The following TRMT10B variants were observed in gnomAD, a reference collection of about 807,000 sequenced individuals.
TRMT10B encodes the protein tRNA methyltransferase 10 homolog B.
Under a neutral mutation model 43.8 loss-of-function variants are expected in TRMT10B, and 33 were observed. The observed-to-expected ratio is 0.75, with a 90% CI of 0.57 to 1.01. TRMT10B has a LOEUF of 1.01. Among genes scored for constraint, TRMT10B ranks in the 50% least tolerant of loss-of-function variants. The pLI is 0.00. For missense variants in TRMT10B, 362 were observed against 369.8 expected, an observed-to-expected ratio of 0.98 and a Z score of 0.17; for synonymous variants, 137 against 130.6, an observed-to-expected ratio of 1.05 and a Z score of -0.34.
intron 4 of TRMT10B, among the ~76,000 whole-genome samples, chr9:37,766,139 A>G (rs1237275280): frequency 2.0e-5 from 3 of 152,144 alleles, no homozygotes; most frequent in Admixed American, 6.5e-5. Flanking sequence ...TGTTTTAGAC[A>G]TGAAGTCCTT....
intron 4 of TRMT10B, 85 bp from the exon 5 acceptor site, chr9:37,767,991 G>C: frequency 6.6e-7 from 1 of 1,518,656 alleles, no homozygotes; most frequent in East Asian, 2.3e-5. Context: ...GTAGCGTTCA[G>C]TGAACTTATT....
intron 1 of TRMT10B, among the ~76,000 whole-genome samples, chr9:37,756,807 TATGTGTGC>T (rs1472374488): frequency 7.0e-6 from 1 of 141,938 alleles, no homozygotes; most frequent in Non-Finnish European, 1.5e-5. Context: ...TATGTGTATA[TATGTGTGC>T]ATATGTGTGT....
chr9:37,778,702 G>A lies in TRMT10B; in HGVS notation c.*995G>A, dbSNP rs537339002. ...TCTCCAGCCTTGTCTGATCATGCTCGTTGTTGCCCAGCTCAGTAATAAGCT... is the reference window on the plus strand; with the variant it reads ...TCTCCAGCCTTGTCTGATCATGCTCATTGTTGCCCAGCTCAGTAATAAGCT... On this transcript the variant is annotated 3_prime_UTR_variant, in exon 9 of 9. Transcript: ENST00000297994. 6.6e-6 allele frequency: 1 copy of A among 152,120 alleles called. No individual in the cohort carries two copies. The highest frequency in any genetic ancestry group is 2.1e-4 in the South Asian group (1 of 4,830). The allele number at this position is 152,120 out of a possible 1,614,324, so 9.4% of individuals were successfully genotyped here. A position where few individuals can be genotyped will look rare whatever the true frequency, so the allele number is the denominator to read the frequency against.
intron 3 of TRMT10B, among the ~76,000 whole-genome samples, chr9:37,763,143 C>CAAAAA (rs747893643): frequency 3.0e-4 from 15 of 50,152 alleles, no homozygotes; most frequent in Admixed American, 4.9e-4. Flanking sequence ...GACTCTGTCT[C>CAAAAA]AAAAAAAAAA....
chr9:37,770,875 T>C, intron 7 of TRMT10B, 136 bp downstream of exon 7: 3 of 875,038 alleles, frequency 3.4e-6, no homozygotes, highest in South Asian at 2.1e-5. Context: ...CCCCACCAGG[T>C]TGGCCCTCTG....
rs142293408 is a variant in TRMT10B at position 37,757,789 on chromosome 9, T to G, written c.-30+3937T>G. 3.9e-5 allele frequency among the ~76,000 whole-genome samples: 6 copies of G among 152,360 alleles called. No individual in the cohort carries two copies. The Middle Eastern group carries it at 0.01, about 259-fold the overall frequency. On this transcript the variant is annotated intron_variant, in intron 1 of 8. Transcript: ENST00000297994. The stretch of plus-strand genomic sequence containing the variant: ...GTATCTAATTCTTGCAACAATCCTG[T>G]GAGGTCGTTTTATCCCATTTCGTGG...
At chr9:37,753,275 G>A (rs527598581), upstream of TRMT10B, among the ~76,000 whole-genome samples, 38 of 152,238 alleles carry the variant, frequency 2.5e-4, no homozygotes, top group Non-Finnish European at 4.4e-4. Flanking sequence ...CACCATTTCC[G>A]GACACAATAT....
intron 6 of TRMT10B, 80 bp from the exon 7 acceptor site, chr9:37,770,592 A>G: frequency 7.8e-7 from 1 of 1,279,890 alleles, no homozygotes; most frequent in Non-Finnish European, 1.1e-6. Context: ...TTTATTGTTA[A>G]TAATTCTTTC....
intron 1 of TRMT10B, among the ~76,000 whole-genome samples, chr9:37,760,563 T>C (rs950502721): frequency 1.3e-5 from 2 of 152,212 alleles, no homozygotes; most frequent in East Asian, 1.9e-4. Context: ...TGAATTCTTA[T>C]GTTTCATAGG....
intron 1 of TRMT10B, among the ~76,000 whole-genome samples, chr9:37,756,256 G>A (rs905605530): frequency 6.6e-6 from 1 of 152,146 alleles, no homozygotes; most frequent in Non-Finnish European, 1.5e-5. Context: ...CTAATACAAT[G>A]AAGTTGTCAG....
At chr9:37,766,118 G>A (rs374505836) in intron 4 of TRMT10B, among the ~76,000 whole-genome samples, 124 of 152,156 alleles carry the variant, frequency 8.1e-4, no homozygotes, top group Non-Finnish European at 1.5e-3. Context: ...TTTTGTTGCC[G>A]TTGCTTTTGG....
chr9:37,775,036 T>A (rs935494640), intron 7 of TRMT10B, among the ~76,000 whole-genome samples: 1 of 152,252 alleles, frequency 6.6e-6, no homozygotes, highest in Admixed American at 6.5e-5. Context: ...CTTGCATGGT[T>A]TGGCCTTGGG....
intron 1 of TRMT10B, among the ~76,000 whole-genome samples, chr9:37,759,054 G>A (rs775388004): frequency 6.6e-5 from 10 of 152,192 alleles, no homozygotes; most frequent in Admixed American, 5.9e-4. Context: ...TTGCTGACAG[G>A]CAGTGTAAAA....
chr9:37,763,134 ACT>A lies in TRMT10B; in HGVS notation c.295+452_295+453del, dbSNP rs1420163824. On this transcript the variant is annotated intron_variant, in intron 3 of 8. Transcript: ENST00000297994. ...TCCAGAGCCTGGGTGACAGAGTGAG[ACT>A]CTGTCTCAAAAAAAAAAAAAAAAAA... is the stretch of plus-strand genomic sequence containing the variant. 6.0e-4 allele frequency among the ~76,000 whole-genome samples: 74 copies of A among 123,338 alleles called. 1 individual carries two copies. The highest frequency in any genetic ancestry group is 2.1e-3 in the African/African-American group (68 of 31,704). The allele number at this position is 123,338 out of a possible 152,430, so 80.9% of individuals were successfully genotyped here. A position where few individuals can be genotyped will look rare whatever the true frequency, so the allele number is the denominator to read the frequency against.
At chr9:37,770,521 A>C in intron 6 of TRMT10B, 151 bp from the exon 7 acceptor site, 1 of 745,008 alleles carries the variant, frequency 1.3e-6, no homozygotes, top group Non-Finnish European at 2.2e-6. Context: ...TGGCCATTTT[A>C]GAAAATTAGC....
Position 37,777,729 on chromosome 9 carries a change from G to C in TRMT10B, c.*22G>C. On this transcript the variant is annotated 3_prime_UTR_variant, in exon 9 of 9. Coordinates refer to ENST00000297994, the MANE Select transcript of TRMT10B (RefSeq NM_144964.4). ...ATGATGGGCCTAAGATTGCAGCTGC[G>C]TGGCCAGGTGCTCACGCCGTAATGC... 6.3e-7 allele frequency: 1 copy of C among 1,591,432 alleles called. No individual in the cohort carries two copies. Among genetic ancestry groups the C allele is most frequent in the Non-Finnish European group, 8.6e-7 (1 of 1,159,670 alleles).
At position 37,761,989 on chromosome 9, in the gene TRMT10B, C is replaced by A. The variant is rs747200886; in HGVS notation, c.58C>A (p.Gln20Lys). 2.5e-6 allele frequency: 4 copies of A among 1,613,870 alleles called. No individual in the cohort carries two copies. The highest frequency in any genetic ancestry group is 3.3e-5 in the Admixed American group (2 of 59,982). ...QKVESPVLQG[Q>K]EGILEETGED... ...AGTAGAGTCACCTGTGCTGCAGGGG[C>A]AAGAAGGCATCCTAGAGGAGACAGG... The change falls in exon 2 of 9, where the codon CAA becomes AAA. Residue 20 changes from glutamine (Q) to lysine (K), a missense_variant. By Grantham distance (53) the Gln-to-Lys change is moderately conservative. Coordinates refer to ENST00000297994, the MANE Select transcript of TRMT10B (RefSeq NM_144964.4).
In TRMT10B at chr9:37,776,921, C is replaced by T. The variant is rs141825205; in HGVS notation, c.844+516C>T. Among the ~76,000 whole-genome samples, 556 of 150,414 alleles carry T rather than the reference C, an allele frequency of 3.7e-3. 4 individuals are homozygous for T. The highest frequency in any genetic ancestry group is 0.013 in the African/African-American group (536 of 40,822). The stretch of plus-strand genomic sequence containing the variant: ...CAAAAACAAAAAAAAAAGCTGGGCA[C>T]GGTGGCTCACACCTGTAATCCCAGC... On this transcript the variant is annotated intron_variant, in intron 8 of 8. Transcript: ENST00000297994.
At chr9:37,753,398 C>T (rs940831893), upstream of TRMT10B, among the ~76,000 whole-genome samples, 2 of 152,224 alleles carry the variant, frequency 1.3e-5, no homozygotes, top group African/African-American at 2.4e-5. Context: ...TGTCCAACCG[C>T]CCCGCTCCAC....
Sources: allele counts gnomAD v4.1 joint callset (sites outside exome capture counted in the v4.1 genomes callset), GRCh38; gene constraint gnomAD v4.1.1; transcripts MANE v1.5; gene names NCBI Gene and HGNC (gene_info 2026-07-23, HGNC 2026-07-21).